Variants in SAMMSON observed in about 807,000 individuals in gnomAD.
SAMMSON encodes survival associated mitochondrial melanoma specific oncogenic non-coding RNA, also known as long intergenic non-protein coding RNA 1212.
intron 2 of SAMMSON, among the ~76,000 whole-genome samples, chr3:70,403,566 T>C (rs186915868): frequency 3.9e-5 from 6 of 152,274 alleles, no homozygotes; most frequent in Non-Finnish European, 8.8e-5. Flanking sequence ...GTAAATAAAG[T>C]TTGATTGGAA....
intron 4 of SAMMSON, among the ~76,000 whole-genome samples, chr3:70,184,973 A>T (rs1350849485): frequency 6.6e-6 from 1 of 152,202 alleles, no homozygotes; most frequent in African/African-American, 2.4e-5. Flanking sequence ...TCTCTGCTGC[A>T]GTCCTTTTTG....
At chr3:70,050,634 C>T (rs1171718303) in intron 3 of SAMMSON, among the ~76,000 whole-genome samples, 1 of 151,974 alleles carries the variant, frequency 6.6e-6, no homozygotes, top group Non-Finnish European at 1.5e-5. Context: ...ATTAGGATTC[C>T]CCTCATGGTT....
intron 7 of SAMMSON, among the ~76,000 whole-genome samples, chr3:70,311,043 T>A (rs959692109): frequency 7.9e-5 from 12 of 152,318 alleles, no homozygotes; most frequent in Admixed American, 7.2e-4. Context: ...ATAAACATTG[T>A]CAATGTTGAT....
At chr3:70,152,018 G>C (rs1443476304) in intron 4 of SAMMSON, among the ~76,000 whole-genome samples, 1 of 152,008 alleles carries the variant, frequency 6.6e-6, no homozygotes, top group African/African-American at 2.4e-5. Flanking sequence ...GGAAAGCATA[G>C]CTGTGTTTAT....
At chr3:70,250,448 CACAA>C (rs1234356451) in intron 6 of SAMMSON, among the ~76,000 whole-genome samples, 3 of 143,580 alleles carry the variant, frequency 2.1e-5, no homozygotes, top group African/African-American at 7.6e-5. Context: ...CACACACACA[CACAA>C]ACACAAACCT....
At chr3:70,388,332 T>A (rs1701000846) in intron 9 of SAMMSON, among the ~76,000 whole-genome samples, 1 of 152,170 alleles carries the variant, frequency 6.6e-6, no homozygotes, top group South Asian at 2.1e-4. Flanking sequence ...TTCACATAGA[T>A]CATTTGGGCT....
At chr3:70,157,307 G>T (rs2067595901) in intron 4 of SAMMSON, among the ~76,000 whole-genome samples, 1 of 152,104 alleles carries the variant, frequency 6.6e-6, no homozygotes, top group Non-Finnish European at 1.5e-5. Context: ...GGATTTAAAA[G>T]TTACACCTGA....
rs145907249 is a variant in SAMMSON at position 70,084,139 on chromosome 3, G to A, written n.507+12574G>A. ...TTTCACATCAGGATGCCCATCACACGCCTCTTTCTCACTTTTTTTGTGTGT... is the reference window on the plus strand; with the variant it reads ...TTTCACATCAGGATGCCCATCACACACCTCTTTCTCACTTTTTTTGTGTGT... On this transcript the variant is annotated intron_variant and non_coding_transcript_variant, in intron 4 of 9. Transcript: ENST00000642114. 2.6e-5 allele frequency among the ~76,000 whole-genome samples: 4 copies of A among 152,148 alleles called. No homozygotes were observed. The East Asian group carries it at 7.8e-4, about 30-fold the overall frequency.
At chr3:70,154,758 TG>T in intron 4 of SAMMSON, among the ~76,000 whole-genome samples, 1 of 152,060 alleles carries the variant, frequency 6.6e-6, no homozygotes, top group East Asian at 1.9e-4. Context: ...AAAGTTAACC[TG>T]GTAAAGATTT....
intron 7 of SAMMSON, among the ~76,000 whole-genome samples, chr3:70,349,660 G>A (rs1205474470): frequency 1.3e-5 from 2 of 152,042 alleles, no homozygotes; most frequent in Admixed American, 1.3e-4. Context: ...GAGAGATGAA[G>A]GTCGGGTTGG....
chr3:70,253,618 G>A (rs545312847), intron 6 of SAMMSON, among the ~76,000 whole-genome samples: 14 of 152,310 alleles, frequency 9.2e-5, no homozygotes, highest in African/African-American at 2.9e-4. Flanking sequence ...AGCTAGTCAA[G>A]AGGCTAAGGC....
At chr3:70,080,692 GTT>G (rs35434435) in intron 4 of SAMMSON, among the ~76,000 whole-genome samples, 2 of 139,510 alleles carry the variant, frequency 1.4e-5, no homozygotes. Context: ...CCCTGACTCC[GTT>G]TTTTTTTTTT....
chr3:70,101,497 G>A (rs2067345890), intron 4 of SAMMSON, among the ~76,000 whole-genome samples: 1 of 152,060 alleles, frequency 6.6e-6, no homozygotes. Context: ...GCTGGATGAG[G>A]CCATCCCAAG....
intron 6 of SAMMSON, among the ~76,000 whole-genome samples, chr3:70,281,486 T>C (rs1208949907): frequency 1.3e-5 from 2 of 152,214 alleles, no homozygotes; most frequent in Non-Finnish European, 2.9e-5. Flanking sequence ...TTCTCTGACA[T>C]GCATTTTCCT....
intron 4 of SAMMSON, among the ~76,000 whole-genome samples, chr3:70,094,250 A>T (rs999288864): frequency 6.6e-6 from 1 of 151,810 alleles, no homozygotes; most frequent in Non-Finnish European, 1.5e-5. Context: ...CCAGGATCTC[A>T]TCTAATAGCC....
At chr3:70,422,873 C>T (rs1370741480) in intron 2 of SAMMSON, among the ~76,000 whole-genome samples, 1 of 151,790 alleles carries the variant, frequency 6.6e-6, no homozygotes, top group Non-Finnish European at 1.5e-5. Flanking sequence ...ATAGTAAAAT[C>T]ATCTAATATG....
At chr3:70,266,193 G>T (rs2106666273) in intron 6 of SAMMSON, among the ~76,000 whole-genome samples, 1 of 152,016 alleles carries the variant, frequency 6.6e-6, no homozygotes, top group South Asian at 2.1e-4. Context: ...AAACATTTAT[G>T]TTTTTTTATT....
At chr3:70,315,696 A>C (rs112772913) in intron 7 of SAMMSON, among the ~76,000 whole-genome samples, 22 of 152,184 alleles carry the variant, frequency 1.4e-4, no homozygotes, top group African/African-American at 4.8e-4. Context: ...GTCTCTTGAG[A>C]TGGGCTGGGC....
chr3:70,432,723 T>C (rs1398020330), intron 2 of SAMMSON, among the ~76,000 whole-genome samples: 1 of 152,070 alleles, frequency 6.6e-6, no homozygotes, highest in Non-Finnish European at 1.5e-5. Context: ...TTTGTAAGTT[T>C]TGACAAATGT....
Sources: gnomAD v4.1 joint callset for allele counts (sites outside exome capture counted in the v4.1 genomes callset) on GRCh38, gnomAD v4.1.1 for gene constraint, MANE v1.5 for transcripts, NCBI Gene and HGNC (gene_info 2026-07-23, HGNC 2026-07-21) for gene names.